VPS13C: variants seen among roughly 807,000 people sequenced by gnomAD.
VPS13C encodes vacuolar protein sorting 13 homolog C, also known as intermembrane lipid transfer protein VPS13C.
Under a neutral mutation model 456.8 loss-of-function variants are expected in VPS13C, and 358 were observed. That is an observed-to-expected ratio of 0.78 (90% CI 0.72 to 0.86). The LOEUF (loss-of-function observed/expected upper bound fraction) is 0.86, where lower values mean the gene tolerates loss of function less well. VPS13C is among the 40% of genes least tolerant of loss of function. The pLI is 0.00. For synonymous variants in VPS13C, 1,578 were observed against 1,486.7 expected (o/e 1.06, Z -1.41); for missense variants, 4,818 against 4,385.4 (o/e 1.10, Z -2.79).
intron 79 of VPS13C, among the ~76,000 whole-genome samples, chr15:61,870,629 C>G (rs1001473937): frequency 2.6e-5 from 4 of 152,156 alleles, no homozygotes; most frequent in Admixed American, 2.6e-4. Flanking sequence ...GTTTTCAAAT[C>G]TTCTGGGTAT....
At chr15:61,981,688 G>A (rs971460498) in intron 21 of VPS13C, among the ~76,000 whole-genome samples, 23 of 151,928 alleles carry the variant, frequency 1.5e-4, no homozygotes, top group African/African-American at 2.2e-4. Context: ...GTGAAACCCC[G>A]TCTGTACTAA....
chr15:61,912,458 G>C (rs2043329502), intron 62 of VPS13C, among the ~76,000 whole-genome samples: 1 of 152,074 alleles, frequency 6.6e-6, no homozygotes, highest in African/African-American at 2.4e-5. Context: ...TACAGAATAA[G>C]GATTCTAGCA....
intron 28 of VPS13C, among the ~76,000 whole-genome samples, 164 bp from the exon 29 acceptor site, chr15:61,967,611 C>T (rs1367121036): frequency 6.6e-6 from 1 of 151,936 alleles, no homozygotes; most frequent in African/African-American, 2.4e-5. Flanking sequence ...AAGAAATTAA[C>T]CAATCCAAAT....
intron 3 of VPS13C, among the ~76,000 whole-genome samples, chr15:62,036,661 G>A (rs544027019): frequency 1.0e-3 from 152 of 152,016 alleles, no homozygotes; most frequent in Admixed American, 2.7e-3. Context: ...GTGAGCATAA[G>A]ACAGAAAAAG....
At chr15:61,963,030 A>G (rs1327458884) in intron 32 of VPS13C, among the ~76,000 whole-genome samples, 178 bp from the exon 33 acceptor site, 1 of 152,170 alleles carries the variant, frequency 6.6e-6, no homozygotes, top group Non-Finnish European at 1.5e-5. Context: ...CAAAACCTAT[A>G]AATTCATTAA....
intron 9 of VPS13C, among the ~76,000 whole-genome samples, chr15:62,019,267 G>C (rs566762330): frequency 1.1e-3 from 164 of 152,074 alleles, no homozygotes; most frequent in Non-Finnish European, 1.9e-3. Flanking sequence ...TTTTTGAAGG[G>C]TTTTTTGTGT....
In VPS13C at chr15:61,942,074, G is replaced by A. The variant is rs780043490; in HGVS notation, c.5149-7C>T. 3.9e-6 allele frequency: 6 copies of A among 1,552,924 alleles called. No individual in the cohort carries two copies. The highest frequency in any genetic ancestry group is 5.2e-6 in the Non-Finnish European group (6 of 1,146,554). ...GGAAATTGTTGAGGAAGTTCTGTTG[G>A]AAGAGACAGATATTTAGGGGAAAAA... On this transcript the variant is annotated splice_polypyrimidine_tract_variant and splice_region_variant and intron_variant, in intron 45 of 84. Transcript: ENST00000644861.
In VPS13C at chr15:61,945,698, T is replaced by C; in HGVS notation, c.5148+17A>G. ...TTTAGGCCTCAGTGAGGAATAAATA[T>C]ATTTTTAAAAACTTACCAAAAGAGA... On this transcript the variant is annotated intron_variant, in intron 45 of 84. Transcript: ENST00000644861. 6.4e-7 allele frequency: 1 copy of C among 1,563,708 alleles called. No homozygotes were observed. Among genetic ancestry groups the C allele is most frequent in the Non-Finnish European group, 8.6e-7 (1 of 1,158,794 alleles).
In VPS13C at chr15:61,941,849, CTTG is replaced by C; in HGVS notation, c.5364_5366del (p.Asn1788del). 6.2e-7 allele frequency: 1 copy of C among 1,613,944 alleles called. No individual in the cohort carries two copies. Among genetic ancestry groups the C allele is most frequent in the South Asian group, 1.1e-5 (1 of 91,064 alleles). On this transcript the variant is annotated inframe_deletion, in exon 46 of 85. Transcript: ENST00000644861. ...AATGTTCCATAGGAACCAAGCTAAA[CTTG>C]TTTTCAACTCTGATTAAACCCAGAT...
At chr15:61,976,937 T>C (rs2045719835) in intron 24 of VPS13C, 145 bp downstream of exon 24, 1 of 553,544 alleles carries the variant, frequency 1.8e-6, no homozygotes, top group Non-Finnish European at 3.2e-6. Context: ...ATACATTTTC[T>C]TAAAAATGTA....
intron 1 of VPS13C, among the ~76,000 whole-genome samples, chr15:62,054,270 T>C (rs2048717489): frequency 6.6e-6 from 1 of 152,224 alleles, no homozygotes; most frequent in African/African-American, 2.4e-5. Flanking sequence ...GTAGGCAGTA[T>C]GTACCCACCA....
Position 61,962,556 on chromosome 15 carries a change from G to C in VPS13C, c.3436-18C>G, listed in dbSNP as rs181211500. 5.6e-6 allele frequency: 9 copies of C among 1,601,486 alleles called. No homozygotes were observed. The East Asian group carries it at 1.6e-4, about 28-fold the overall frequency. ...GACACAGCCTGAAAAACAGAGACTT[G>C]AATGTACTCTATCCGGGAAGGTAAT... On this transcript the variant is annotated intron_variant, in intron 33 of 84. Transcript: ENST00000644861.
At chr15:61,857,564 T>TA (rs1478172635) in intron 82 of VPS13C, among the ~76,000 whole-genome samples, 5 of 152,176 alleles carry the variant, frequency 3.3e-5, no homozygotes, top group Non-Finnish European at 7.3e-5. Flanking sequence ...TTTTTCCTTT[T>TA]AAAAAATGTT....
At chr15:61,918,305 G>C (rs11071640) in intron 58 of VPS13C, 48 bp from the exon 59 acceptor site, 2 of 1,447,722 alleles carry the variant, frequency 1.4e-6, no homozygotes, top group South Asian at 1.5e-5. Context: ...ATGTAAGTTC[G>C]AAAGAAAAAA....
At chr15:61,928,701 G>A (rs1047413443) in intron 51 of VPS13C, among the ~76,000 whole-genome samples, 3 of 151,978 alleles carry the variant, frequency 2.0e-5, no homozygotes, top group South Asian at 2.1e-4. Context: ...GAAACATGGC[G>A]AAGCCCCATG....
chr15:61,890,340 C>A lies in VPS13C; in HGVS notation c.9166G>T (p.Asp3056Tyr), dbSNP rs1158370435. The stretch of plus-strand genomic sequence containing the variant: ...AAAAGCAAAACTCTCTGGCGCCCAT[C>A]CAGAAATGATACCCAGTGTATCTGG... ...NIQIHWVSFL[D>Y]GRQRVLLFTD... The change falls in exon 67 of 85, where the codon GAT becomes TAT. Residue 3056 changes from aspartate (D) to tyrosine (Y), a missense_variant. By Grantham distance (160) the Asp-to-Tyr change is radical. Around this residue, in one of 3 missense-constraint regions of VPS13C, gnomAD observed 4,552 missense variants for 4,130.6 expected, o/e 1.10. Transcript: ENST00000644861. 4 of 1,614,020 alleles carry A rather than the reference C, an allele frequency of 2.5e-6. No individual in the cohort carries two copies. Among genetic ancestry groups the A allele is most frequent in the Non-Finnish European group, 3.4e-6 (4 of 1,180,014 alleles).
rs924969567 is a variant in VPS13C at position 61,877,129 on chromosome 15, C to T, written c.10143-75G>A. The T allele has an allele frequency of 9.7e-6, 11 of 1,132,442 alleles. No individual in the cohort carries two copies. The African/African-American group carries it at 1.4e-4, about 15-fold the overall frequency. 70.1% of individuals were successfully genotyped at this position (1,132,442 alleles called of 1,614,324 possible). A position where few individuals can be genotyped will look rare whatever the true frequency, so the allele number is the denominator to read the frequency against. ...AAAAAGAGACTTAAAATTTGAATGACAGCTAATGCTAATCATAGCCAATTC... is the reference window on the plus strand; with the variant it reads ...AAAAAGAGACTTAAAATTTGAATGATAGCTAATGCTAATCATAGCCAATTC... On this transcript the variant is annotated intron_variant, in intron 74 of 84. Coordinates refer to ENST00000644861, the MANE Select transcript of VPS13C (RefSeq NM_020821.3).
intron 38 of VPS13C, 132 bp from the exon 39 acceptor site, chr15:61,952,112 G>C (rs2140293333): frequency 1.9e-6 from 2 of 1,057,588 alleles, no homozygotes; most frequent in Non-Finnish European, 2.6e-6. Context: ...ACTTCTATTT[G>C]TGCCTGCAGT....
In VPS13C at chr15:61,961,814, C is replaced by G. The variant is rs369707037; in HGVS notation, c.3683G>C (p.Ser1228Thr). 1 of 1,614,044 alleles carries G rather than the reference C, an allele frequency of 6.2e-7. No homozygotes were observed. The highest frequency in any genetic ancestry group is 1.3e-5 in the African/African-American group (1 of 75,032). The change falls in exon 35 of 85, where the codon AGT (serine) becomes ACT (threonine). Residue 1228 changes from serine to threonine, a missense_variant. Coordinates refer to ENST00000644861, the MANE Select transcript of VPS13C (RefSeq NM_020821.3). ...TAQAAERAAT[S>T]VKDLAQRSFR... ...ACTCCTCTGGGCAAGATCTTTCACACTTGTGGCAGCCCTTTCTGCAGCCTG... is the reference window on the plus strand; with the variant it reads ...ACTCCTCTGGGCAAGATCTTTCACAGTTGTGGCAGCCCTTTCTGCAGCCTG...
Sources: allele counts gnomAD v4.1 joint callset (sites outside exome capture counted in the v4.1 genomes callset), GRCh38; gene constraint gnomAD v4.1.1; regional missense constraint gnomAD v4.1.1; transcripts MANE v1.5; gene names NCBI Gene and HGNC (gene_info 2026-07-23, HGNC 2026-07-21).